Variants in GLP1R observed in about 807,000 individuals in gnomAD.
GLP1R encodes the protein glucagon-like peptide 1 receptor.
In GLP1R, 32 loss-of-function variants were observed where a neutral mutation model predicts 68.4. That is an observed-to-expected ratio of 0.47 (90% CI 0.35 to 0.63). The LOEUF (loss-of-function observed/expected upper bound fraction) is 0.63, where lower values mean the gene tolerates loss of function less well. Among genes scored for constraint, GLP1R ranks in the 20% least tolerant of loss-of-function variants. The pLI is 0.00. For missense variants in GLP1R, 502 were observed against 594.9 expected (o/e 0.84, Z 1.62); for synonymous variants, 263 against 244.4 (o/e 1.08, Z -0.71).
chr6:39,079,621 TGCCTTTGTGATGGACGAGCAC>T lies in GLP1R; in HGVS notation c.1105_1125del (p.Phe369_Ala375del). ...TGCTGGGGACTCATGAGGTCATCTT[TGCCTTTGTGATGGACGAGCAC>T]GCCCGGGGGACCCTGCGCTTCATCA... On this transcript the variant is annotated inframe_deletion, in exon 11 of 13. Coordinates refer to ENST00000373256, the MANE Select transcript of GLP1R (RefSeq NM_002062.5). This position sits in a 1 kb window ranked among gnomAD's most constrained non-coding sequence, Gnocchi z 4.5. 1 of 1,611,768 alleles carries T rather than the reference TGCCTTTGTGATGGACGAGCAC, an allele frequency of 6.2e-7. No individual in the cohort carries two copies. Among genetic ancestry groups the T allele is most frequent in the Non-Finnish European group, 8.5e-7 (1 of 1,179,112 alleles).
intron 5 of GLP1R, among the ~76,000 whole-genome samples, chr6:39,071,345 CAAAAAAAAAAAAAAA>C (rs35740935): frequency 3.5e-5 from 3 of 85,926 alleles, no homozygotes; most frequent in Non-Finnish European, 6.6e-5. Context: ...GATTCCATCT[CAAAAAAAAAAAAAAA>C]AAAAAAAGAA....
At chr6:39,055,850 G>C (rs1370378399) in intron 1 of GLP1R, among the ~76,000 whole-genome samples, 1 of 152,122 alleles carries the variant, frequency 6.6e-6, no homozygotes, top group African/African-American at 2.4e-5. Flanking sequence ...CGCACACCTT[G>C]CGATATTCTA....
rs972506083 is a variant in GLP1R at position 39,073,632 on chromosome 6, T to C, written c.686T>C (p.Val229Ala). 1 of 1,613,950 alleles carries C rather than the reference T, an allele frequency of 6.2e-7. No homozygotes were observed. Among genetic ancestry groups the C allele is most frequent in the Non-Finnish European group, 8.5e-7 (1 of 1,179,902 alleles). Residue 229 changes from valine to alanine, a missense_variant, in exon 7 of 13, where the codon GTG becomes GCG. By Grantham distance (64) the Val-to-Ala change is moderately conservative (BLOSUM62 0). Coordinates refer to ENST00000373256, the MANE Select transcript of GLP1R (RefSeq NM_002062.5). ...CAGGACTCTCTGAGCTGCCGCCTGG[T>C]GTTTCTGCTCATGCAGTACTGTGTG... Reference protein sequence around the residue: ...SYQDSLSCRLVFLLMQYCVAA... With the variant: ...SYQDSLSCRLAFLLMQYCVAA...
intron 5 of GLP1R, among the ~76,000 whole-genome samples, chr6:39,071,392 T>C (rs1209106813): frequency 1.2e-4 from 18 of 151,764 alleles, no homozygotes; most frequent in Admixed American, 1.2e-3. Context: ...AAAAGAAATC[T>C]TTCCTTACCC....
rs1768032232 is a variant in GLP1R at position 39,049,254 on chromosome 6, CCTT to C, written c.78+339_78+341del. On this transcript the variant is annotated intron_variant, in intron 1 of 12. Transcript: ENST00000373256. This position sits in a 1 kb window ranked among gnomAD's most constrained non-coding sequence, Gnocchi z 4.5. Reference sequence around the variant, plus strand: ...CTTTGTCCCCAGCACTTTCCCAACTCCTTCTAAACCGTGTCAGCGGCCCTGGCA... The same window carrying C: ...CTTTGTCCCCAGCACTTTCCCAACTCCTAAACCGTGTCAGCGGCCCTGGCA... Among the ~76,000 whole-genome samples the C allele has an allele frequency of 6.6e-6, 1 of 152,188 alleles. No individual in the cohort carries two copies. Among genetic ancestry groups the C allele is most frequent in the African/African-American group, 2.4e-5 (1 of 41,452 alleles).
chr6:39,079,748 G>C lies in GLP1R; in HGVS notation c.1182+46G>C. The C allele has an allele frequency of 1.3e-6, 2 of 1,542,808 alleles. No homozygotes were observed. Among genetic ancestry groups the C allele is most frequent in the Non-Finnish European group, 1.8e-6 (2 of 1,120,850 alleles). ...ACTTGCTTGTAAAGTCCTAGAGTGG[G>C]GGTGGGACAGACACCAGCCTGCATC... On this transcript the variant is annotated intron_variant, in intron 11 of 12. Coordinates refer to ENST00000373256, the MANE Select transcript of GLP1R (RefSeq NM_002062.5). The surrounding 1 kb of genome is among the most constrained non-coding windows in gnomAD (Gnocchi z 4.5).
chr6:39,069,886 G>C lies in GLP1R; in HGVS notation c.510-2976G>C, dbSNP rs9380826. Among the ~76,000 whole-genome samples the C allele has an allele frequency of 0.016, 2,452 of 152,218 alleles. 179 individuals are homozygous for C. In the East Asian group the frequency reaches 0.22, roughly 13 times the overall value. ...TAGACTGGGTAATTTTTGAAAAATA[G>C]AAATTTATTTCTCATAATTTAGAGG... On this transcript the variant is annotated intron_variant, in intron 5 of 12. Transcript: ENST00000373256.
intron 2 of GLP1R, among the ~76,000 whole-genome samples, chr6:39,056,982 G>C (rs1012009518): frequency 6.6e-6 from 1 of 152,186 alleles, no homozygotes; most frequent in Non-Finnish European, 1.5e-5. Context: ...AGTTCACAAG[G>C]TGGTTTAAAG....
intron 5 of GLP1R, among the ~76,000 whole-genome samples, chr6:39,071,223 G>A (rs545472855): frequency 1.5e-4 from 23 of 151,828 alleles, no homozygotes; most frequent in African/African-American, 5.6e-4. Flanking sequence ...GCACCCGCCT[G>A]TAATCCCAGC....
At chr6:39,050,992 G>C (rs1479883590) in intron 1 of GLP1R, among the ~76,000 whole-genome samples, 1 of 152,052 alleles carries the variant, frequency 6.6e-6, no homozygotes, top group Non-Finnish European at 1.5e-5. Context: ...TGCAGGTAGG[G>C]GGATGGCTGA....
chr6:39,055,622 C>G (rs1009803500), intron 1 of GLP1R, among the ~76,000 whole-genome samples: 3 of 151,872 alleles, frequency 2.0e-5, no homozygotes, highest in African/African-American at 7.3e-5. Context: ...TGGAACCTCC[C>G]TGACCCCTTC....
At chr6:39,073,513 C>A in intron 6 of GLP1R, 97 bp from the exon 7 acceptor site, 12 of 1,047,400 alleles carry the variant, frequency 1.1e-5, no homozygotes, top group Middle Eastern at 3.2e-4. Flanking sequence ...CCTGCATTAA[C>A]CATGGCAGGA....
chr6:39,073,585 C>T, intron 6 of GLP1R, 25 bp from the exon 7 acceptor site: 1 of 1,609,746 alleles, frequency 6.2e-7, no homozygotes, highest in Non-Finnish European at 8.5e-7. Context: ...CTGTTGTCCC[C>T]ATGACACCCT....
At position 39,073,727 on chromosome 6, in the gene GLP1R, T is replaced by G. The variant is rs185053350; in HGVS notation, c.781T>G (p.Ser261Ala). Residue 261 changes from serine (S) to alanine (A), a missense_variant, in exon 7 of 13, where the codon TCT (serine) becomes GCT (alanine). By Grantham distance (99) the Ser-to-Ala change is moderately conservative. Transcript: ENST00000373256. ...CACACTGCTGGCCTTCTCGGTCTTATCTGAGCAATGGATCTTCAGGCTCTA... is the reference window on the plus strand; with the variant it reads ...CACACTGCTGGCCTTCTCGGTCTTAGCTGAGCAATGGATCTTCAGGCTCTA... Reference protein sequence around the residue: ...LYTLLAFSVLSEQWIFRLYVS... With the variant: ...LYTLLAFSVLAEQWIFRLYVS... 6.2e-7 allele frequency: 1 copy of G among 1,614,038 alleles called. No individual in the cohort carries two copies. The highest frequency in any genetic ancestry group is 2.2e-5 in the East Asian group (1 of 44,878).
At chr6:39,069,759 T>C (rs188290501) in intron 5 of GLP1R, among the ~76,000 whole-genome samples, 227 of 152,282 alleles carry the variant, frequency 1.5e-3, no homozygotes, top group Middle Eastern at 3.4e-3. Context: ...CACCACCCAG[T>C]TCCCAAGCTA....
In GLP1R at chr6:39,089,264, CTT is replaced by C. The variant is rs1482074104; in HGVS notation, c.*3194_*3195del. On this transcript the variant is annotated 3_prime_UTR_variant, in exon 13 of 13. Transcript: ENST00000373256. The surrounding 1 kb of genome is among the most constrained non-coding windows in gnomAD (Gnocchi z 4.1). Reference sequence around the variant, plus strand: ...CATTTTGGATGGCAATTCCAGCACTCTTTTAATGGATTGGCTTAATTTTTTTT... The same window carrying C: ...CATTTTGGATGGCAATTCCAGCACTCTTAATGGATTGGCTTAATTTTTTTT... Among the ~76,000 whole-genome samples, 3 of 152,190 alleles carry C rather than the reference CTT, an allele frequency of 2.0e-5. No individual in the cohort carries two copies. The highest frequency in any genetic ancestry group is 4.4e-5 in the Non-Finnish European group (3 of 68,042).
intron 2 of GLP1R, 29 bp from the exon 3 acceptor site, chr6:39,057,443 G>A: frequency 7.0e-7 from 1 of 1,426,014 alleles, no homozygotes; most frequent in Non-Finnish European, 9.9e-7. Context: ...CACAAGCAGG[G>A]ACTCAGAGAC....
chr6:39,065,769 C>T lies in GLP1R; in HGVS notation c.342C>T (p.Asp114=), dbSNP rs543699293. The T allele has an allele frequency of 8.2e-6, 13 of 1,592,008 alleles. No homozygotes were observed. In the Admixed American group the frequency reaches 2.3e-4, roughly 28 times the overall value. The change falls in exon 4 of 13, where the codon GAC becomes GAT. Residue 114 remains aspartate, a synonymous_variant. Coordinates refer to ENST00000373256, the MANE Select transcript of GLP1R (RefSeq NM_002062.5). ...CTGAAGGCCTCTGGCTGCAGAAGGACAACTCCAGCCTGCCCTGGAGGGACT... is the reference window on the plus strand; with the variant it reads ...CTGAAGGCCTCTGGCTGCAGAAGGATAACTCCAGCCTGCCCTGGAGGGACT... ...CTAEGLWLQK[D]NSSLPWRDLS... is the part of the protein sequence containing the mutation.
At position 39,087,709 on chromosome 6, in the gene GLP1R, A is replaced by G. The variant is rs4714210; in HGVS notation, c.*1636A>G. The G allele has an allele frequency of 0.34, 52,022 of 152,064 alleles. 9,422 individuals are homozygous for G. The highest frequency in any genetic ancestry group is 0.43 in the Middle Eastern group (126 of 294). 9.4% of individuals were successfully genotyped at this position (152,064 alleles called of 1,614,324 possible). ...TGATGTGCAAGGAAAATAATAGGAT[A>G]TAAAACACATCAAGTAGAAAATTTC... On this transcript the variant is annotated 3_prime_UTR_variant, in exon 13 of 13. Coordinates refer to ENST00000373256, the MANE Select transcript of GLP1R (RefSeq NM_002062.5).
Sources: allele counts gnomAD v4.1 joint callset (sites outside exome capture counted in the v4.1 genomes callset), GRCh38; gene constraint gnomAD v4.1.1; non-coding constraint Gnocchi (gnomAD v3.1); transcripts MANE v1.5; gene names NCBI Gene and HGNC (gene_info 2026-07-23, HGNC 2026-07-21).